LRRC4B: variants seen among roughly 807,000 people sequenced by gnomAD.
The protein encoded by LRRC4B is leucine-rich repeat-containing protein 4B.
In LRRC4B, 1 loss-of-function variant was observed where a neutral mutation model predicts 7.3. The ratio of observed to expected loss-of-function variants is 0.14; its 90% CI spans 0.05 to 0.65. The LOEUF (loss-of-function observed/expected upper bound fraction) is 0.65. LRRC4B is among the 30% of genes least tolerant of loss of function. The probability of loss-of-function intolerance (pLI) is 0.84; values close to 1 mark genes in which losing one functional copy is unlikely to be tolerated. For synonymous variants in LRRC4B, 500 were observed against 499.2 expected (o/e 1.00, Z -0.02); for missense variants, 730 against 1,041.6 (o/e 0.70, Z 4.12).
intron 1 of LRRC4B, among the ~76,000 whole-genome samples, chr19:50,561,119 A>C (rs1438560606): frequency 1.3e-5 from 2 of 152,070 alleles, no homozygotes; most frequent in African/African-American, 2.4e-5. Flanking sequence ...ATTTATTCTT[A>C]CGGGTCAGAA....
At chr19:50,521,182 C>T (rs1268796295) in intron 2 of LRRC4B, among the ~76,000 whole-genome samples, 1 of 152,042 alleles carries the variant, frequency 6.6e-6, no homozygotes, top group African/African-American at 2.4e-5. Flanking sequence ...CAAAAGACGC[C>T]GAACACAAAG....
intron 2 of LRRC4B, among the ~76,000 whole-genome samples, chr19:50,535,682 T>C (rs1357571629): frequency 2.0e-5 from 3 of 152,218 alleles, no homozygotes; most frequent in Non-Finnish European, 4.4e-5. Context: ...CCTGATGCCA[T>C]GACTGGCAGC....
intron 1 of LRRC4B, among the ~76,000 whole-genome samples, chr19:50,564,214 C>A (rs1272034158): frequency 2.0e-5 from 3 of 152,128 alleles, no homozygotes; most frequent in African/African-American, 7.2e-5. Flanking sequence ...GAAGACGATT[C>A]CAAAAGCTGA....
rs1982279214 is a variant in LRRC4B, at chr19:50,556,440, G to A, written c.-35-7567C>T. On this transcript the variant is annotated intron_variant, in intron 1 of 2. Transcript: ENST00000652263. The surrounding 1 kb of genome is among the most constrained non-coding windows in gnomAD (Gnocchi z 4.2). Reference sequence around the variant, plus strand: ...CCCCTGAGGGGACTTTGCCCCTGCTGTGCCCTCGGCCAGCCGGGGGTGCTC... The same window carrying A: ...CCCCTGAGGGGACTTTGCCCCTGCTATGCCCTCGGCCAGCCGGGGGTGCTC... 6.6e-6 allele frequency among the ~76,000 whole-genome samples: 1 copy of A among 152,170 alleles called. No individual in the cohort carries two copies.
chr19:50,534,905 T>C (rs1267771550), intron 2 of LRRC4B, among the ~76,000 whole-genome samples: 1 of 152,324 alleles, frequency 6.6e-6, no homozygotes, highest in East Asian at 1.9e-4. Flanking sequence ...GACAGAGTCT[T>C]GCTCTGTCAC....
At chr19:50,536,336 G>A (rs557925962) in intron 2 of LRRC4B, among the ~76,000 whole-genome samples, 66 of 152,224 alleles carry the variant, frequency 4.3e-4, no homozygotes, top group African/African-American at 1.2e-3. Context: ...GTTTCACTAC[G>A]TTGGTCAGGC....
intron 1 of LRRC4B, among the ~76,000 whole-genome samples, chr19:50,560,549 G>A (rs1400989155): frequency 6.6e-6 from 1 of 152,240 alleles, no homozygotes; most frequent in Non-Finnish European, 1.5e-5. Flanking sequence ...GGATCCAGAA[G>A]ATCCTCCTTC....
rs1424666540 is a variant in LRRC4B at position 50,556,583 on chromosome 19, A to G, written c.-35-7710T>C. Among the ~76,000 whole-genome samples the G allele has an allele frequency of 2.6e-5, 4 of 151,964 alleles. No homozygotes were observed. Among genetic ancestry groups the G allele is most frequent in the Non-Finnish European group, 5.9e-5 (4 of 68,002 alleles). ...TTTCTTCACAGCTCGTGTCACGGCC[A>G]CCCAGCACCTGATGCTCGGTGATTT... On this transcript the variant is annotated intron_variant, in intron 1 of 2. Transcript: ENST00000652263. The surrounding 1 kb of genome is among the most constrained non-coding windows in gnomAD (Gnocchi z 4.2).
intron 1 of LRRC4B, among the ~76,000 whole-genome samples, chr19:50,551,564 C>T (rs1416181275): frequency 7.1e-6 from 1 of 141,404 alleles, no homozygotes; most frequent in African/African-American, 2.7e-5. Context: ...CCTCCCCCTC[C>T]GCCTCTGGTC....
At chr19:50,561,942 CAAATAAATAAAT>C (rs139268581) in intron 1 of LRRC4B, among the ~76,000 whole-genome samples, 3 of 147,596 alleles carry the variant, frequency 2.0e-5, no homozygotes, top group South Asian at 2.2e-4. Flanking sequence ...CCATAAAATA[CAAATAAATAAAT>C]AAATAAATAA....
chr19:50,551,486 G>A (rs1048266356), intron 1 of LRRC4B, among the ~76,000 whole-genome samples: 4 of 37,910 alleles, frequency 1.1e-4, no homozygotes, highest in African/African-American at 2.3e-4. Context: ...ACTCTCCCCC[G>A]ACCGCAGCCT....
chr19:50,550,047 T>G (rs1344768046), intron 1 of LRRC4B, among the ~76,000 whole-genome samples: 1 of 152,080 alleles, frequency 6.6e-6, no homozygotes, highest in Non-Finnish European at 1.5e-5. Context: ...CCAGTAACAA[T>G]AGTCTCTCCG....
In LRRC4B at chr19:50,519,510, G is replaced by A; in HGVS notation, c.298-95C>T. 6 of 1,450,718 alleles carry A rather than the reference G, an allele frequency of 4.1e-6. No homozygotes were observed. Among genetic ancestry groups the A allele is most frequent in the Non-Finnish European group, 4.5e-6 (5 of 1,105,726 alleles). 89.9% of individuals were successfully genotyped at this position (1,450,718 alleles called of 1,614,324 possible). A position where few individuals can be genotyped will look rare whatever the true frequency, so the allele number is the denominator to read the frequency against. On this transcript the variant is annotated intron_variant, in intron 2 of 2. Transcript: ENST00000652263. The surrounding 1 kb of genome is among the most constrained non-coding windows in gnomAD (Gnocchi z 8.1). ...CGGGCGCAGGTGGGGCCGTGTGGCT[G>A]GATCTCCCGTGCTGTGCTGTGACGG...
At chr19:50,545,683 T>A (rs532232372) in intron 2 of LRRC4B, among the ~76,000 whole-genome samples, 39 of 151,912 alleles carry the variant, frequency 2.6e-4, no homozygotes, top group Admixed American at 2.2e-3. Context: ...CTAGGGTGAT[T>A]TTTTCAATTT....
In LRRC4B at chr19:50,553,981, G is replaced by C. The variant is rs966182505; in HGVS notation, c.-35-5108C>G. Reference sequence around the variant, plus strand: ...TTCCATCCCAGGAGGCCTGCTGGCAGAGGCAGCACCTTTTTTTTTTTTTTT... The same window carrying C: ...TTCCATCCCAGGAGGCCTGCTGGCACAGGCAGCACCTTTTTTTTTTTTTTT... On this transcript the variant is annotated intron_variant, in intron 1 of 2. Transcript: ENST00000652263. This position sits in a 1 kb window ranked among gnomAD's most constrained non-coding sequence, Gnocchi z 4.2. Among the ~76,000 whole-genome samples, 1 of 149,618 alleles carries C rather than the reference G, an allele frequency of 6.7e-6. No homozygotes were observed. Among genetic ancestry groups the C allele is most frequent in the Non-Finnish European group, 1.5e-5 (1 of 67,572 alleles).
At chr19:50,531,488 G>A (rs2122824821) in intron 2 of LRRC4B, among the ~76,000 whole-genome samples, 1 of 152,358 alleles carries the variant, frequency 6.6e-6, no homozygotes, top group South Asian at 2.1e-4. Context: ...CCCAAAGGGA[G>A]GGGGTGGGGT....
At chr19:50,558,936 C>T (rs1982372401) in intron 1 of LRRC4B, among the ~76,000 whole-genome samples, 1 of 152,246 alleles carries the variant, frequency 6.6e-6, no homozygotes, top group African/African-American at 2.4e-5. Flanking sequence ...CTGACCAGCG[C>T]TGCCTTGGTT....
At chr19:50,522,480 T>A (rs1358508112) in intron 2 of LRRC4B, among the ~76,000 whole-genome samples, 1 of 150,852 alleles carries the variant, frequency 6.6e-6, no homozygotes, top group Non-Finnish European at 1.5e-5. Flanking sequence ...ATTTATTTAT[T>A]TATTTATTTA....
intron 1 of LRRC4B, among the ~76,000 whole-genome samples, chr19:50,551,420 C>T (rs895978735): frequency 1.3e-5 from 2 of 151,162 alleles, no homozygotes; most frequent in Admixed American, 1.3e-4. Context: ...TTCTCTGCTC[C>T]CCTCCCCGCT....
Sources: gnomAD v4.1 joint callset for allele counts (sites outside exome capture counted in the v4.1 genomes callset) on GRCh38, gnomAD v4.1.1 for gene constraint, Gnocchi (gnomAD v3.1) non-coding constraint, MANE v1.5 for transcripts, NCBI Gene and HGNC (gene_info 2026-07-23, HGNC 2026-07-21) for gene names.